Variants in PRKAR2B observed in about 807,000 individuals in gnomAD.
PRKAR2B encodes the protein cAMP-dependent protein kinase type II-beta regulatory subunit.
PRKAR2B carries 14 observed loss-of-function variants against 49.9 expected under a neutral mutation model. The ratio of observed to expected loss-of-function variants is 0.28; its 90% CI spans 0.19 to 0.44. The LOEUF (loss-of-function observed/expected upper bound fraction) is 0.44. Ranked by LOEUF, PRKAR2B falls within the 20% of genes least tolerant of loss-of-function variation. The probability of loss-of-function intolerance (pLI) is 1.00; values close to 1 mark genes in which losing one functional copy is unlikely to be tolerated. For missense variants in PRKAR2B, 393 were observed against 537.9 expected (o/e 0.73, Z 2.67); for synonymous variants, 196 against 197.7 (o/e 0.99, Z 0.07).
chr7:107,112,922 G>A (rs1584435080), intron 2 of PRKAR2B, among the ~76,000 whole-genome samples: 1 of 151,920 alleles, frequency 6.6e-6, no homozygotes, highest in Non-Finnish European at 1.5e-5. Flanking sequence ...TTCCCCTAAA[G>A]CCCATATTTG....
intron 8 of PRKAR2B, 137 bp from the exon 9 acceptor site, chr7:107,156,847 T>C: frequency 1.4e-6 from 1 of 736,904 alleles, no homozygotes; most frequent in South Asian, 1.8e-5. Flanking sequence ...CGAGACAGCT[T>C]GTTCCCTTAG....
intron 5 of PRKAR2B, among the ~76,000 whole-genome samples, chr7:107,141,650 C>T (rs1198521812): frequency 6.6e-6 from 1 of 152,146 alleles, no homozygotes; most frequent in African/African-American, 2.4e-5. Flanking sequence ...CGATACTGCA[C>T]CATTTGCACT....
chr7:107,100,058 A>G (rs766993718), intron 2 of PRKAR2B, among the ~76,000 whole-genome samples: 3 of 152,036 alleles, frequency 2.0e-5, no homozygotes, highest in Admixed American at 6.6e-5. Context: ...AATATTTTAT[A>G]TCATTCTGTG....
Position 107,156,911 on chromosome 7 carries a change from A to T in PRKAR2B, c.919-73A>T, listed in dbSNP as rs879031914. ...CTTTGGGGTTGGATCAATTTTAGGGATATGAAAGGTAACAAGATTGTTGTC... is the reference window on the plus strand; with the variant it reads ...CTTTGGGGTTGGATCAATTTTAGGGTTATGAAAGGTAACAAGATTGTTGTC... On this transcript the variant is annotated intron_variant, in intron 8 of 10. Coordinates refer to ENST00000265717, the MANE Select transcript of PRKAR2B (RefSeq NM_002736.3). 2.3e-5 allele frequency: 29 copies of T among 1,283,688 alleles called. No individual in the cohort carries two copies. In the Admixed American group the frequency reaches 2.6e-4, roughly 11 times the overall value. 79.5% of individuals were successfully genotyped at this position (1,283,688 alleles called of 1,614,324 possible).
intron 2 of PRKAR2B, among the ~76,000 whole-genome samples, chr7:107,110,861 G>T (rs1382351954): frequency 3.3e-5 from 5 of 152,148 alleles, no homozygotes; most frequent in Non-Finnish European, 5.9e-5. Flanking sequence ...GCTACAGGGA[G>T]AGACTTCCTT....
chr7:107,080,810 AG>A (rs569980279), intron 2 of PRKAR2B, among the ~76,000 whole-genome samples: 41 of 152,288 alleles, frequency 2.7e-4, no homozygotes, highest in Admixed American at 1.1e-3. Context: ...TAAATTTAAC[AG>A]TCAAATATTC....
chr7:107,047,944 A>G (rs1309066793), intron 1 of PRKAR2B, among the ~76,000 whole-genome samples: 1 of 152,228 alleles, frequency 6.6e-6, no homozygotes. Context: ...ACAGATAGTG[A>G]TAATACTATA....
intron 7 of PRKAR2B, 68 bp from the exon 8 acceptor site, chr7:107,153,109 A>G: frequency 8.1e-7 from 1 of 1,229,508 alleles, no homozygotes; most frequent in Admixed American, 2.1e-5. Context: ...CCAGTTTTTT[A>G]CTCCCGAACT....
chr7:107,053,221 A>G (rs1022255285), intron 1 of PRKAR2B, among the ~76,000 whole-genome samples: 5 of 152,314 alleles, frequency 3.3e-5, no homozygotes, highest in East Asian at 1.9e-4. Context: ...TTAGCAAAAT[A>G]TATTTGAGTG....
chr7:107,056,750 C>T (rs950901722), intron 1 of PRKAR2B, among the ~76,000 whole-genome samples: 1 of 152,122 alleles, frequency 6.6e-6, no homozygotes, highest in Non-Finnish European at 1.5e-5. Flanking sequence ...ATAATAGTCT[C>T]CTAGTAATGT....
Position 107,157,025 on chromosome 7 carries a change from A to C in PRKAR2B, c.960A>C (p.Glu320Asp). The C allele has an allele frequency of 6.2e-7, 1 of 1,612,512 alleles. No homozygotes were observed. Among genetic ancestry groups the C allele is most frequent in the Non-Finnish European group, 8.5e-7 (1 of 1,178,538 alleles). Residue 320 changes from glutamate to aspartate, a missense_variant, in exon 9 of 11, where the codon GAA becomes GAC. Physicochemically the swap from Glu to Asp is conservative, Grantham distance 45. Around this residue, in one of 2 missense-constraint regions of PRKAR2B, gnomAD observed 233 missense variants for 390.4 expected, o/e 0.60. Coordinates refer to ENST00000265717, the MANE Select transcript of PRKAR2B (RefSeq NM_002736.3). Reference sequence around the variant, plus strand: ...CTTTTTTCATTGTAGAATCTGGAGAAGTGAAAATTACTATGAAAAGAAAGG... The same window carrying C: ...CTTTTTTCATTGTAGAATCTGGAGACGTGAAAATTACTATGAAAAGAAAGG... ...ADSFFIVESGEVKITMKRKGK... is the reference protein window; with the variant it reads ...ADSFFIVESGDVKITMKRKGK...
At chr7:107,068,731 A>T (rs1288829436) in intron 1 of PRKAR2B, 3 of 152,202 alleles carry the variant, frequency 2.0e-5, no homozygotes, top group Non-Finnish European at 4.4e-5. Context: ...AAGATCATGA[A>T]GGAAGATAAT....
chr7:107,066,997 G>T (rs1312653835), intron 1 of PRKAR2B: 3 of 152,276 alleles, frequency 2.0e-5, no homozygotes, highest in Non-Finnish European at 4.4e-5. Flanking sequence ...AAGGCAATGT[G>T]GCCAGTATTA....
intron 4 of PRKAR2B, among the ~76,000 whole-genome samples, chr7:107,135,351 C>CA (rs1795679569): frequency 6.6e-6 from 1 of 152,172 alleles, no homozygotes; most frequent in African/African-American, 2.4e-5. Flanking sequence ...AGTTCCCTCT[C>CA]ACCACTCCTT....
intron 1 of PRKAR2B, among the ~76,000 whole-genome samples, chr7:107,048,397 G>GTT (rs142358370): frequency 7.3e-5 from 11 of 151,030 alleles, no homozygotes; most frequent in South Asian, 6.3e-4. Context: ...AGGTTTTCCT[G>GTT]TTTTTTTTTC....
intron 1 of PRKAR2B, among the ~76,000 whole-genome samples, chr7:107,049,660 A>G (rs1042793986): frequency 2.0e-5 from 3 of 152,176 alleles, no homozygotes; most frequent in Non-Finnish European, 4.4e-5. Context: ...TTTTATGGAA[A>G]TGAATCCAGT....
rs549583691 is a variant in PRKAR2B, at chr7:107,108,457, T to C, written c.344-13495T>C. Among the ~76,000 whole-genome samples the C allele has an allele frequency of 9.2e-5, 14 of 152,244 alleles. No individual in the cohort carries two copies. In the South Asian group the frequency reaches 2.7e-3, roughly 29 times the overall value. On this transcript the variant is annotated intron_variant, in intron 2 of 10. Transcript: ENST00000265717. ...CGTGACAAGGACATGGCAGGCGTGCTCCTGTCTGGGACACCCAAATGATAG... is the reference window on the plus strand; with the variant it reads ...CGTGACAAGGACATGGCAGGCGTGCCCCTGTCTGGGACACCCAAATGATAG...
intron 2 of PRKAR2B, among the ~76,000 whole-genome samples, chr7:107,115,307 A>G (rs1443191597): frequency 1.3e-5 from 2 of 152,134 alleles, no homozygotes; most frequent in Non-Finnish European, 2.9e-5. Flanking sequence ...TTATAGTAAA[A>G]TTTTGCTGAC....
At chr7:107,102,081 C>T (rs1007898569) in intron 2 of PRKAR2B, among the ~76,000 whole-genome samples, 2 of 152,024 alleles carry the variant, frequency 1.3e-5, no homozygotes, top group African/African-American at 4.8e-5. Flanking sequence ...GTGGCACGTG[C>T]CTGTAATCCC....
Sources: gnomAD v4.1 joint callset for allele counts (sites outside exome capture counted in the v4.1 genomes callset) on GRCh38, gnomAD v4.1.1 for gene constraint, gnomAD v4.1.1 regional missense constraint, MANE v1.5 for transcripts, NCBI Gene and HGNC (gene_info 2026-07-23, HGNC 2026-07-21) for gene names.